The following DIDO1 variants were observed in gnomAD, a reference collection of about 807,000 sequenced individuals.
The protein encoded by DIDO1 is death-inducer obliterator 1.
In DIDO1, 16 loss-of-function variants were observed where a neutral mutation model predicts 99.4. The ratio of observed to expected loss-of-function variants is 0.16; its 90% CI spans 0.11 to 0.24. The LOEUF is 0.24. Among genes scored for constraint, DIDO1 ranks in the 10% least tolerant of loss-of-function variants. DIDO1 has a pLI of 1.00. For synonymous variants in DIDO1, 1,366 were observed against 1,239.1 expected (o/e 1.10, Z -2.15); for missense variants, 2,996 against 3,014.0 (o/e 0.99, Z 0.14).
intron 1 of DIDO1, among the ~76,000 whole-genome samples, chr20:62,924,682 C>A (rs529888420): frequency 6.6e-6 from 1 of 152,218 alleles, no homozygotes; most frequent in Admixed American, 6.5e-5. Context: ...ATGATCCGCA[C>A]GTCCTAGACA....
chr20:62,884,514 A>T (rs1244641445), intron 15 of DIDO1, among the ~76,000 whole-genome samples: 1 of 152,182 alleles, frequency 6.6e-6, no homozygotes, highest in Non-Finnish European at 1.5e-5. Flanking sequence ...TACAGTGAAA[A>T]CCAGTATGAT....
intron 1 of DIDO1, among the ~76,000 whole-genome samples, chr20:62,923,771 T>TAATTACC (rs1376567629): frequency 8.5e-5 from 13 of 152,368 alleles, no homozygotes; most frequent in African/African-American, 3.1e-4. Context: ...ATTATAAAGG[T>TAATTACC]ATATTAAGTA....
chr20:62,925,013 G>A (rs1311677605), intron 1 of DIDO1, among the ~76,000 whole-genome samples: 1 of 152,212 alleles, frequency 6.6e-6, no homozygotes, highest in Non-Finnish European at 1.5e-5. Context: ...GCATTAAGCA[G>A]GGAGTTTCAC....
In DIDO1 at chr20:62,910,862, G is replaced by A; in HGVS notation, c.751C>T (p.Pro251Ser). Residue 251 changes from proline to serine, a missense_variant, in exon 3 of 16, where the codon CCT (proline) becomes TCT (serine). Coordinates refer to ENST00000395343, the MANE Select transcript of DIDO1 (RefSeq NM_001193369.2). ...GGCTTCGGTCGGCCCAAGTCTCCAG[G>A]CTCCTCATCTTTGATGTCCTGAGCC... ...KAAQDIKDEEPGDLGRPKPEC... is the reference protein window; with the variant it reads ...KAAQDIKDEESGDLGRPKPEC... 6.2e-7 allele frequency: 1 copy of A among 1,614,054 alleles called. No individual in the cohort carries two copies. The highest frequency in any genetic ancestry group is 8.5e-7 in the Non-Finnish European group (1 of 1,180,006).
In DIDO1 at chr20:62,894,706, A is replaced by G; in HGVS notation, c.2436+104T>C. ...ACTGAGGAATGCCACAATGACATAC[A>G]CCTGCTGTAAGCTCAGGTCCTGCCC... On this transcript the variant is annotated intron_variant, in intron 10 of 15. Transcript: ENST00000395343. This position sits in a 1 kb window ranked among gnomAD's most constrained non-coding sequence, Gnocchi z 4.4. 1 of 1,412,154 alleles carries G rather than the reference A, an allele frequency of 7.1e-7. No individual in the cohort carries two copies. The highest frequency in any genetic ancestry group is 9.6e-7 in the Non-Finnish European group (1 of 1,043,844). 87.5% of individuals were successfully genotyped at this position (1,412,154 alleles called of 1,614,324 possible). A position where few individuals can be genotyped will look rare whatever the true frequency, so the allele number is the denominator to read the frequency against.
upstream of DIDO1, among the ~76,000 whole-genome samples, chr20:62,930,113 G>A (rs1006183385): frequency 1.6e-4 from 25 of 151,786 alleles, no homozygotes; most frequent in African/African-American, 2.9e-4. Context: ...GGTGGCAGGC[G>A]CCTGTAATCC....
intron 13 of DIDO1, 147 bp from the exon 14 acceptor site, chr20:62,892,223 T>C (rs937435805): frequency 1.4e-6 from 1 of 706,350 alleles, no homozygotes; most frequent in African/African-American, 1.8e-5. Flanking sequence ...TTAAATGCAT[T>C]AAGTCCAGGA....
chr20:62,930,393 G>C (rs923002714), upstream of DIDO1, among the ~76,000 whole-genome samples: 2 of 152,224 alleles, frequency 1.3e-5, no homozygotes, highest in African/African-American at 4.8e-5. Flanking sequence ...ACGATAGTGG[G>C]TAACATAAGG....
chr20:62,886,028 A>T (rs1312821255), intron 15 of DIDO1, among the ~76,000 whole-genome samples: 2 of 152,138 alleles, frequency 1.3e-5, no homozygotes, highest in South Asian at 2.1e-4. Flanking sequence ...TGGGAGGGAG[A>T]GTGCCCCGGG....
intron 4 of DIDO1, 129 bp from the exon 5 acceptor site, chr20:62,907,488 T>C: frequency 3.5e-6 from 3 of 859,414 alleles, no homozygotes; most frequent in Non-Finnish European, 5.3e-6. Flanking sequence ...ACAGTACTTT[T>C]AATATGAATA....
intron 2 of DIDO1, among the ~76,000 whole-genome samples, chr20:62,913,865 T>C (rs1035872717): frequency 1.3e-5 from 2 of 152,226 alleles, no homozygotes; most frequent in African/African-American, 4.8e-5. Context: ...AACAGGCTAT[T>C]TGCACATGAC....
At chr20:62,934,227 C>A (rs1369696932) in intron 1 of DIDO1, among the ~76,000 whole-genome samples, 1 of 152,200 alleles carries the variant, frequency 6.6e-6, no homozygotes, top group Admixed American at 6.5e-5. Flanking sequence ...GGCTTCAGGG[C>A]TCTGGCCCAG....
rs761758245 is a variant in DIDO1, at chr20:62,907,297, G to A, written c.1224C>T (p.Pro408=). 17 of 1,614,190 alleles carry A rather than the reference G, an allele frequency of 1.1e-5. No homozygotes were observed. The highest frequency in any genetic ancestry group is 2.7e-5 in the African/African-American group (2 of 75,032). The part of the protein sequence containing the change: ...IGPGCCHVAQ[P]DSVYCSNDCI... ...AGTCATTACTGCAGTACACCGAGTC[G>A]GGCTGCGCCACGTGACAGCACCCGG... Residue 408 remains proline (P), a synonymous_variant, in exon 5 of 16, where the codon CCC becomes CCT. Coordinates refer to ENST00000395343, the MANE Select transcript of DIDO1 (RefSeq NM_001193369.2).
chr20:62,933,592 C>T (rs973062570), intron 1 of DIDO1, among the ~76,000 whole-genome samples: 1 of 152,138 alleles, frequency 6.6e-6, no homozygotes. Context: ...AGGAAGCACT[C>T]TATGCAGTGG....
chr20:62,889,347 C>T lies in DIDO1; in HGVS notation c.3541+1613G>A, dbSNP rs1219422755. The T allele has an allele frequency of 2.3e-5, 22 of 974,358 alleles. 1 individual carries two copies. In the East Asian group the frequency reaches 3.5e-4, roughly 15 times the overall value. 60.4% of individuals were successfully genotyped at this position (974,358 alleles called of 1,614,324 possible). On this transcript the variant is annotated intron_variant, in intron 15 of 15. Coordinates refer to ENST00000395343, the MANE Select transcript of DIDO1 (RefSeq NM_001193369.2). Reference sequence around the variant, plus strand: ...GGGGAACCCGGTGCCCGGCATGCGCCGGGGCTCGCTCAACACCCTACAACC... The same window carrying T: ...GGGGAACCCGGTGCCCGGCATGCGCTGGGGCTCGCTCAACACCCTACAACC...
chr20:62,892,145 G>A (rs1355586858), intron 13 of DIDO1, 69 bp from the exon 14 acceptor site: 2 of 1,329,152 alleles, frequency 1.5e-6, no homozygotes, highest in African/African-American at 2.9e-5. Flanking sequence ...ATGCAGCCAT[G>A]TGAAGGCACA....
chr20:62,882,512 T>A, intron 15 of DIDO1, 98 bp from the exon 16 acceptor site: 1 of 1,192,054 alleles, frequency 8.4e-7, no homozygotes, highest in South Asian at 1.5e-5. Context: ...GAACGTTTAA[T>A]AGACAAAAAT....
rs2064826327 is a variant in DIDO1 at position 62,907,182 on chromosome 20, GCTTCAT to G, written c.1333_1338del (p.Met445_Lys446del). The G allele has an allele frequency of 1.9e-6, 3 of 1,614,112 alleles. No individual in the cohort carries two copies. Among genetic ancestry groups the G allele is most frequent in the Admixed American group, 1.7e-5 (1 of 60,008 alleles). ...CATTTCGGAAGACTGGGCTTCTCTG[GCTTCAT>G]CTTCATCTTTTCTTTAGGCTTTGGC... On this transcript the variant is annotated inframe_deletion, in exon 5 of 16. Coordinates refer to ENST00000395343, the MANE Select transcript of DIDO1 (RefSeq NM_001193369.2).
chr20:62,930,505 CTGTGGGA>C (rs1384142895), upstream of DIDO1, among the ~76,000 whole-genome samples: 1 of 152,176 alleles, frequency 6.6e-6, no homozygotes, highest in Non-Finnish European at 1.5e-5. Flanking sequence ...CTCTAGAAAG[CTGTGGGA>C]TGTGATGGAG....
Sources: gnomAD v4.1 joint callset for allele counts (sites outside exome capture counted in the v4.1 genomes callset) on GRCh38, gnomAD v4.1.1 for gene constraint, Gnocchi (gnomAD v3.1) non-coding constraint, MANE v1.5 for transcripts, NCBI Gene and HGNC (gene_info 2026-07-23, HGNC 2026-07-21) for gene names.